Variants in UBE3C observed in about 807,000 individuals in gnomAD.
UBE3C encodes ubiquitin protein ligase E3C.
In UBE3C, 42 loss-of-function variants were observed where a neutral mutation model predicts 129.4. That is an observed-to-expected ratio of 0.32 (90% confidence interval 0.25 to 0.42). UBE3C has a LOEUF of 0.42. Ranked by LOEUF, UBE3C falls within the 10% of genes least tolerant of loss-of-function variation. UBE3C has a pLI of 1.00. For missense variants in UBE3C, 1,049 were observed against 1,319.1 expected (o/e 0.80, Z 3.17); for synonymous variants, 510 against 492.4 (o/e 1.04, Z -0.47).
rs1481926454 is a variant in UBE3C at position 157,169,042 on chromosome 7, G to A, written c.121-6G>A. On this transcript the variant is annotated splice_region_variant and splice_polypyrimidine_tract_variant and intron_variant, in intron 2 of 22. Coordinates refer to ENST00000348165, the MANE Select transcript of UBE3C (RefSeq NM_014671.3). Reference sequence around the variant, plus strand: ...TTGCTCCCTCACTCCTCCTTTTATTGTTTAGGAAGAAAGGCGAAGGTTGAA... The same window carrying A: ...TTGCTCCCTCACTCCTCCTTTTATTATTTAGGAAGAAAGGCGAAGGTTGAA... The A allele has an allele frequency of 6.2e-7, 1 of 1,612,798 alleles. No homozygotes were observed. Among genetic ancestry groups the A allele is most frequent in the East Asian group, 2.2e-5 (1 of 44,820 alleles).
At chr7:157,197,510 T>TTTG in intron 10 of UBE3C, 1 of 73,440 alleles carries the variant, frequency 1.4e-5, no homozygotes. Context: ...AAATAATTTG[T>TTTG]TTTTTTTTTT....
intron 18 of UBE3C, among the ~76,000 whole-genome samples, chr7:157,233,909 G>C (rs769762458): frequency 6.6e-6 from 1 of 152,150 alleles, no homozygotes; most frequent in Non-Finnish European, 1.5e-5. Context: ...GTGGGAATTG[G>C]TATCTCATTG....
rs1221863730 is a variant in UBE3C, at chr7:157,141,523, G to A, written c.66+2185G>A. Among the ~76,000 whole-genome samples the A allele has an allele frequency of 2.6e-5, 4 of 152,326 alleles. 1 individual carries two copies. In the Middle Eastern group the frequency reaches 0.014, roughly 518 times the overall value. On this transcript the variant is annotated intron_variant, in intron 1 of 22. Transcript: ENST00000348165. ...CCCCTATGCTACACACCTGGACAGC[G>A]TGTTTCTGTGCTGAATACTGTAGGC...
chr7:157,263,107 C>A (rs1049137002), intron 22 of UBE3C: 1 of 152,500 alleles, frequency 6.6e-6, no homozygotes, highest in Non-Finnish European at 1.5e-5. Context: ...CATCCTCTTA[C>A]ATCTGCACCT....
chr7:157,219,424 C>T (rs1795675238), intron 14 of UBE3C, among the ~76,000 whole-genome samples: 1 of 152,084 alleles, frequency 6.6e-6, no homozygotes, highest in Non-Finnish European at 1.5e-5. Flanking sequence ...ATCGAGCATC[C>T]CACACCACCT....
intron 22 of UBE3C, among the ~76,000 whole-genome samples, chr7:157,261,697 A>G (rs1390402298): frequency 1.3e-5 from 2 of 152,266 alleles, no homozygotes; most frequent in Non-Finnish European, 2.9e-5. Context: ...TTTTAAAGTT[A>G]TGAAACTCCT....
chr7:157,193,217 T>A (rs2116960035), intron 10 of UBE3C, among the ~76,000 whole-genome samples: 1 of 152,372 alleles, frequency 6.6e-6, no homozygotes, highest in East Asian at 1.9e-4. Context: ...ATGCAAATTA[T>A]TATATATCTG....
chr7:157,267,846 G>A lies in UBE3C; in HGVS notation c.*91G>A, dbSNP rs988947177. 9 of 1,148,542 alleles carry A rather than the reference G, an allele frequency of 7.8e-6. No homozygotes were observed. Among genetic ancestry groups the A allele is most frequent in the African/African-American group, 4.8e-5 (3 of 62,518 alleles). The allele number at this position is 1,148,542 out of a possible 1,614,324, so 71.1% of individuals were successfully genotyped here. On this transcript the variant is annotated 3_prime_UTR_variant, in exon 23 of 23. Transcript: ENST00000348165. ...ACCCACGAGGATACTCACACTGCAC[G>A]CCTGAGGCTCTCCTAAGCTCCTTCT...
chr7:157,264,761 G>A (rs1483081461), intron 22 of UBE3C, among the ~76,000 whole-genome samples: 2 of 152,114 alleles, frequency 1.3e-5, no homozygotes, highest in Non-Finnish European at 2.9e-5. Context: ...AGTAGAGATG[G>A]GGTTTCGCCA....
intron 10 of UBE3C, chr7:157,192,622 C>T: frequency 1.3e-6 from 1 of 765,332 alleles, no homozygotes; most frequent in Non-Finnish European, 2.4e-6. Flanking sequence ...TCTTACCCCA[C>T]TCCCAAGAAG....
chr7:157,156,465 C>T (rs1051422607), intron 1 of UBE3C, among the ~76,000 whole-genome samples: 1 of 151,562 alleles, frequency 6.6e-6, no homozygotes, highest in African/African-American at 2.4e-5. Context: ...TGTCACCACC[C>T]CCGGCTAATT....
rs976662617 is a variant in UBE3C, at chr7:157,201,822, G to A, written c.1418+15G>A. 6.3e-7 allele frequency: 1 copy of A among 1,592,782 alleles called. No homozygotes were observed. Among genetic ancestry groups the A allele is most frequent in the Non-Finnish European group, 8.5e-7 (1 of 1,169,754 alleles). ...ATGATCACAGGGTATGTATTATACA[G>A]ACTTATAAATTGAGCTCAAGGGCAC... On this transcript the variant is annotated intron_variant, in intron 11 of 22. Transcript: ENST00000348165.
chr7:157,230,519 A>AC (rs1440102148), intron 17 of UBE3C, among the ~76,000 whole-genome samples: 2 of 151,742 alleles, frequency 1.3e-5, no homozygotes, highest in Non-Finnish European at 2.9e-5. Flanking sequence ...ATATGGTGAA[A>AC]CCCCATCTCT....
chr7:157,200,145 T>C (rs1463027996), intron 10 of UBE3C, among the ~76,000 whole-genome samples: 3 of 152,220 alleles, frequency 2.0e-5, no homozygotes, highest in African/African-American at 7.2e-5. Flanking sequence ...TACATGACAT[T>C]GGAAAGATGG....
intron 1 of UBE3C, among the ~76,000 whole-genome samples, chr7:157,157,472 T>C (rs1807943475): frequency 6.6e-6 from 1 of 152,140 alleles, no homozygotes. Flanking sequence ...ACTGTGCAGG[T>C]GAAGACAAGG....
At chr7:157,197,560 T>A in intron 10 of UBE3C, 3 of 1,258,474 alleles carry the variant, frequency 2.4e-6, no homozygotes, top group Non-Finnish European at 3.4e-6. Flanking sequence ...ATACGACACA[T>A]CATCTGTTCC....
chr7:157,141,126 C>T (rs1807435529), intron 1 of UBE3C, among the ~76,000 whole-genome samples: 1 of 152,060 alleles, frequency 6.6e-6, no homozygotes, highest in Non-Finnish European at 1.5e-5. Flanking sequence ...AACCCTGAGC[C>T]GAGGGCCATT....
intron 2 of UBE3C, among the ~76,000 whole-genome samples, chr7:157,166,010 G>A (rs138310304): frequency 1.2e-3 from 184 of 152,270 alleles, no homozygotes; most frequent in Middle Eastern, 3.4e-3. Flanking sequence ...AGATCGTTGA[G>A]TCTGCTGTAT....
intron 19 of UBE3C, among the ~76,000 whole-genome samples, chr7:157,249,470 G>A (rs1216717596): frequency 2.0e-5 from 3 of 152,044 alleles, no homozygotes; most frequent in Non-Finnish European, 4.4e-5. Flanking sequence ...GCGCCACCAC[G>A]CCCAGCTAAT....
Sources: gnomAD v4.1 joint callset for allele counts (sites outside exome capture counted in the v4.1 genomes callset) on GRCh38, gnomAD v4.1.1 for gene constraint, MANE v1.5 for transcripts, NCBI Gene and HGNC (gene_info 2026-07-23, HGNC 2026-07-21) for gene names.